CFAP91: variants seen among roughly 807,000 people sequenced by gnomAD.
The protein encoded by CFAP91 is cilia- and flagella-associated protein 91.
In CFAP91, 85 loss-of-function variants were observed where a neutral mutation model predicts 95.9. That is an observed-to-expected ratio of 0.89 (90% CI 0.74 to 1.06). CFAP91 has a LOEUF of 1.06. Among genes scored for constraint, CFAP91 ranks in the 50% least tolerant of loss-of-function variants. CFAP91 has a pLI of 0.00. For synonymous variants in CFAP91, 335 were observed against 327.5 expected (o/e 1.02, Z -0.25); for missense variants, 962 against 943.4 (o/e 1.02, Z -0.26).
intron 10 of CFAP91, among the ~76,000 whole-genome samples, chr3:119,734,952 C>T (rs991929485): frequency 9.9e-5 from 15 of 152,122 alleles, no homozygotes; most frequent in Non-Finnish European, 1.5e-4. Flanking sequence ...AATTTCTTTA[C>T]AACTTATAGA....
intron 13 of CFAP91, among the ~76,000 whole-genome samples, chr3:119,742,300 C>T (rs1216988214): frequency 6.6e-6 from 1 of 152,152 alleles, no homozygotes; most frequent in Admixed American, 6.5e-5. Context: ...AGGGAGTGAG[C>T]ACCTCATGTA....
At chr3:119,746,710 T>C (rs1437203360) in intron 14 of CFAP91, among the ~76,000 whole-genome samples, 1 of 152,182 alleles carries the variant, frequency 6.6e-6, no homozygotes, top group Admixed American at 6.5e-5. Flanking sequence ...GGTTCTATTA[T>C]GTAAGAGGAA....
intron 13 of CFAP91, among the ~76,000 whole-genome samples, chr3:119,742,208 G>A (rs2054134325): frequency 6.6e-6 from 1 of 152,124 alleles, no homozygotes; most frequent in African/African-American, 2.4e-5. Context: ...GAGTTAATGG[G>A]CAAAGCTGTC....
At position 119,743,907 on chromosome 3, in the gene CFAP91, G is replaced by A. The variant is rs1215379557; in HGVS notation, c.1681-68G>A. 5.2e-6 allele frequency: 7 copies of A among 1,358,860 alleles called. No individual in the cohort carries two copies. In the Admixed American group the frequency reaches 9.5e-5, roughly 18 times the overall value. 84.2% of individuals were successfully genotyped at this position (1,358,860 alleles called of 1,614,324 possible). A position where few individuals can be genotyped will look rare whatever the true frequency, so the allele number is the denominator to read the frequency against. ...ACTGCCAAGAGTTTTGAGTAATCCA[G>A]CACTTCTTCTAATAATCACCACTCA... On this transcript the variant is annotated intron_variant, in intron 13 of 17. Transcript: ENST00000273390.
At chr3:119,754,561 AT>A (rs1170009044) in intron 17 of CFAP91, among the ~76,000 whole-genome samples, 1 of 152,228 alleles carries the variant, frequency 6.6e-6, no homozygotes, top group African/African-American at 2.4e-5. Flanking sequence ...AAGGAAGCCT[AT>A]TGATTGGACT....
chr3:119,749,916 A>G (rs916489313), intron 16 of CFAP91, among the ~76,000 whole-genome samples: 1 of 152,254 alleles, frequency 6.6e-6, no homozygotes, highest in Non-Finnish European at 1.5e-5. Context: ...CTAAGTTCCA[A>G]GAAGTTCACT....
intron 12 of CFAP91, among the ~76,000 whole-genome samples, chr3:119,739,972 C>G (rs1168741252): frequency 2.6e-5 from 4 of 152,176 alleles, no homozygotes; most frequent in African/African-American, 9.7e-5. Flanking sequence ...AGCAGGCACA[C>G]TTCACTTAAA....
Position 119,766,769 on chromosome 3 carries a change from T to A in CFAP91, c.*1719T>A, listed in dbSNP as rs1291725050. 6.6e-6 allele frequency: 1 copy of A among 152,256 alleles called. No individual in the cohort carries two copies. Among genetic ancestry groups the A allele is most frequent in the African/African-American group, 2.4e-5 (1 of 41,458 alleles). The allele number at this position is 152,256 out of a possible 1,614,324, so 9.4% of individuals were successfully genotyped here. A position where few individuals can be genotyped will look rare whatever the true frequency, so the allele number is the denominator to read the frequency against. On this transcript the variant is annotated 3_prime_UTR_variant, in exon 18 of 18. Coordinates refer to ENST00000273390, the MANE Select transcript of CFAP91 (RefSeq NM_033364.4). ...ACTGTGTTCCAGTAAAATTTTATTTTAATTAAAATCAATTCATGTTTGAAA... is the reference window on the plus strand; with the variant it reads ...ACTGTGTTCCAGTAAAATTTTATTTAAATTAAAATCAATTCATGTTTGAAA...
intron 2 of CFAP91, 58 bp from the exon 3 acceptor site, chr3:119,707,346 A>G: frequency 7.9e-7 from 1 of 1,263,480 alleles, no homozygotes; most frequent in Admixed American, 2.3e-5. Flanking sequence ...TGTAATTAAA[A>G]TGCTTTAGAA....
At chr3:119,750,354 A>G (rs1237168598) in intron 16 of CFAP91, 2 of 154,438 alleles carry the variant, frequency 1.3e-5, no homozygotes, top group Non-Finnish European at 2.9e-5. Flanking sequence ...TAACATCATC[A>G]TCATCACTAC....
chr3:119,764,423 G>T (rs1010210751), intron 17 of CFAP91, among the ~76,000 whole-genome samples: 2 of 152,084 alleles, frequency 1.3e-5, no homozygotes, highest in Non-Finnish European at 2.9e-5. Context: ...TCTTTGAGAT[G>T]ATAACATTGA....
intron 7 of CFAP91, among the ~76,000 whole-genome samples, chr3:119,726,729 A>G (rs780983463): frequency 6.6e-6 from 1 of 151,716 alleles, no homozygotes; most frequent in Non-Finnish European, 1.5e-5. Context: ...CTGTCCCTTC[A>G]TGTTCATTCC....
Position 119,733,404 on chromosome 3 carries a change from A to C in CFAP91, c.1242A>C (p.Thr414=), listed in dbSNP as rs1448143444. 3 of 1,614,122 alleles carry C rather than the reference A, an allele frequency of 1.9e-6. No individual in the cohort carries two copies. The Admixed American group carries it at 5.0e-5, about 27-fold the overall frequency. ...AGTCATGTCTCCCAGATTTTGTGACACAACCCCAAATCAGAGCTCCAAAAC... is the reference window on the plus strand; with the variant it reads ...AGTCATGTCTCCCAGATTTTGTGACCCAACCCCAAATCAGAGCTCCAAAAC... ...ELESCLPDFV[T]QPQIRAPKPK... Residue 414 remains threonine, a synonymous_variant, in exon 10 of 18, where the codon ACA becomes ACC. Coordinates refer to ENST00000273390, the MANE Select transcript of CFAP91 (RefSeq NM_033364.4).
intron 6 of CFAP91, 110 bp from the exon 7 acceptor site, chr3:119,726,061 T>C: frequency 2.3e-6 from 2 of 877,664 alleles, no homozygotes; most frequent in Non-Finnish European, 3.4e-6. Context: ...TATGCTGTCA[T>C]GGCCCTTGAA....
intron 12 of CFAP91, among the ~76,000 whole-genome samples, chr3:119,740,264 G>T (rs1017356548): frequency 6.6e-6 from 1 of 152,220 alleles, no homozygotes; most frequent in Non-Finnish European, 1.5e-5. Flanking sequence ...GGAAGGTTCT[G>T]GTTTCTTCAG....
chr3:119,728,877 T>G lies in CFAP91; in HGVS notation c.861-1343T>G, dbSNP rs77639519. Among the ~76,000 whole-genome samples the G allele has an allele frequency of 7.3e-3, 1,106 of 152,350 alleles. 7 individuals are homozygous for G. Among genetic ancestry groups the G allele is most frequent in the Middle Eastern group, 0.037 (11 of 294 alleles). On this transcript the variant is annotated intron_variant, in intron 7 of 17. Coordinates refer to ENST00000273390, the MANE Select transcript of CFAP91 (RefSeq NM_033364.4). ...CTTCCACGAAGAGTTTTCACTCTTC[T>G]AGCCTGGTATGTATCTCCTTGTGCG...
chr3:119,706,194 A>G (rs917121458), intron 1 of CFAP91: 1 of 152,364 alleles, frequency 6.6e-6, no homozygotes, highest in Non-Finnish European at 1.5e-5. Context: ...ATCACTTTAA[A>G]GATATACCTG....
Position 119,754,190 on chromosome 3 carries a change from AG to A in CFAP91, c.*1+3094del, listed in dbSNP as rs547548416. Among the ~76,000 whole-genome samples the A allele has an allele frequency of 9.2e-5, 14 of 152,304 alleles. No individual in the cohort carries two copies. In the South Asian group the frequency reaches 2.9e-3, roughly 32 times the overall value. On this transcript the variant is annotated intron_variant, in intron 17 of 17. Coordinates refer to ENST00000273390, the MANE Select transcript of CFAP91 (RefSeq NM_033364.4). ...AATATGTTATTAGAAACTAGAGGAAAGGTGACCCTTATTATAAAATGGCAAA... is the reference window on the plus strand; with the variant it reads ...AATATGTTATTAGAAACTAGAGGAAAGTGACCCTTATTATAAAATGGCAAA...
chr3:119,740,543 A>T lies in CFAP91; in HGVS notation c.1534-6A>T, dbSNP rs1352518699. 6.2e-7 allele frequency: 1 copy of T among 1,612,840 alleles called. No individual in the cohort carries two copies. Among genetic ancestry groups the T allele is most frequent in the Admixed American group, 1.7e-5 (1 of 59,664 alleles). The stretch of plus-strand genomic sequence containing the variant: ...GCAGGTCTGTCTTTGATTTGATTTG[A>T]TACAGATGTTTGAAGGGAAAGAAAA... On this transcript the variant is annotated splice_polypyrimidine_tract_variant and splice_region_variant and intron_variant, in intron 12 of 17. Coordinates refer to ENST00000273390, the MANE Select transcript of CFAP91 (RefSeq NM_033364.4).
Sources: gnomAD v4.1 joint callset for allele counts (sites outside exome capture counted in the v4.1 genomes callset) on GRCh38, gnomAD v4.1.1 for gene constraint, MANE v1.5 for transcripts, NCBI Gene and HGNC (gene_info 2026-07-23, HGNC 2026-07-21) for gene names.